Variants in RP1 observed in about 807,000 individuals in gnomAD.
RP1 encodes RP1 axonemal microtubule associated, also known as oxygen-regulated protein 1.
A neutral mutation model predicts 14.8 loss-of-function variants in RP1; 16 were observed. That is an observed-to-expected ratio of 1.08 (90% CI 0.73 to 1.65). RP1 has a LOEUF of 1.65. Among genes scored for constraint, RP1 ranks in the 40% most tolerant of loss-of-function variants. The pLI, the probability that RP1 is intolerant of heterozygous loss-of-function variation, is 0.00. For synonymous variants in RP1, 876 were observed against 883.6 expected (o/e 0.99, Z 0.15); for missense variants, 2,631 against 2,535.0 (o/e 1.04, Z -0.81).
intron 1 of RP1, among the ~76,000 whole-genome samples, chr8:54,609,880 C>G (rs1051795311): frequency 6.6e-6 from 1 of 152,236 alleles, no homozygotes; most frequent in African/African-American, 2.4e-5. Flanking sequence ...TCCAAGAGCT[C>G]CCTGCTCTTA....
intron 1 of RP1, among the ~76,000 whole-genome samples, chr8:54,583,178 A>C (rs1467447347): frequency 6.6e-6 from 1 of 152,210 alleles, no homozygotes; most frequent in Non-Finnish European, 1.5e-5. Flanking sequence ...CGTCCTATCA[A>C]TACCTAATTT....
At position 54,627,854 on chromosome 8, in the gene RP1, G is replaced by A. The variant is rs2129317404; in HGVS notation, c.3972G>A (p.Glu1324=). 2 of 1,614,094 alleles carry A rather than the reference G, an allele frequency of 1.2e-6. No homozygotes were observed. Among genetic ancestry groups the A allele is most frequent in the Non-Finnish European group, 1.7e-6 (2 of 1,179,972 alleles). Residue 1324 remains glutamate (E), a synonymous_variant, in exon 4 of 4, where the codon GAG becomes GAA. Coordinates refer to ENST00000220676, the MANE Select transcript of RP1 (RefSeq NM_006269.2). ...ACAQKENHTY[E]GACPIDETYV... ...CTCAAAAGGAGAACCATACCTATGA[G>A]GGAGCTTGCCCAATTGATGAGACCT...
intron 1 of RP1, among the ~76,000 whole-genome samples, chr8:54,591,593 ACTTG>A (rs1380035131): frequency 1.3e-5 from 2 of 152,056 alleles, no homozygotes; most frequent in African/African-American, 4.8e-5. Context: ...TTATTTATCA[ACTTG>A]CTTGTTTTTG....
At chr8:54,706,193 T>C (rs948909845) in intron 14 of RP1, among the ~76,000 whole-genome samples, 1 of 152,214 alleles carries the variant, frequency 6.6e-6, no homozygotes, top group African/African-American at 2.4e-5. Context: ...GTGTTTTGTA[T>C]CTTTTAAAAA....
chr8:54,663,370 GA>G (rs1050600987), intron 6 of RP1, among the ~76,000 whole-genome samples: 5 of 150,902 alleles, frequency 3.3e-5, no homozygotes, highest in South Asian at 2.1e-4. Flanking sequence ...GATATGGAAA[GA>G]AAAAAAAAGT....
intron 1 of RP1, among the ~76,000 whole-genome samples, chr8:54,580,377 G>A (rs995331081): frequency 2.2e-4 from 32 of 147,284 alleles, no homozygotes; most frequent in African/African-American, 7.8e-4. Flanking sequence ...TGTGATCTCG[G>A]CTCACTGCAA....
intron 24 of RP1, among the ~76,000 whole-genome samples, chr8:54,816,317 G>T (rs147673865): frequency 6.6e-6 from 1 of 152,152 alleles, no homozygotes; most frequent in Non-Finnish European, 1.5e-5. Flanking sequence ...AAGGCTAAAA[G>T]CTCCATACTA....
chr8:54,701,593 T>G, exon 14 of RP1: 2 of 1,535,810 alleles, frequency 1.3e-6, no homozygotes, highest in Non-Finnish European at 1.7e-6. Flanking sequence ...TTGATCGTCA[T>G]GGCAAAATAG....
chr8:54,731,938 G>A (rs555205289), intron 17 of RP1, among the ~76,000 whole-genome samples: 2 of 152,214 alleles, frequency 1.3e-5, no homozygotes, highest in East Asian at 1.9e-4. Context: ...GTTTCAGACC[G>A]ATCTTTCTAA....
chr8:54,821,862 C>T (rs1811263241), intron 24 of RP1, among the ~76,000 whole-genome samples: 1 of 152,056 alleles, frequency 6.6e-6, no homozygotes, highest in Non-Finnish European at 1.5e-5. Flanking sequence ...AAATTGATTC[C>T]AGTGTTCAAG....
intron 24 of RP1, among the ~76,000 whole-genome samples, chr8:54,787,597 T>C (rs1207520335): frequency 1.3e-5 from 2 of 152,196 alleles, no homozygotes; most frequent in African/African-American, 4.8e-5. Context: ...TTTTTGCAAA[T>C]TGAAACGCTA....
chr8:54,871,073 G>C (rs1372219828), exon 29 of RP1: 1 of 152,082 alleles, frequency 6.6e-6, no homozygotes, highest in Non-Finnish European at 1.5e-5. Context: ...GTATATGCTT[G>C]ATATTTTCTT....
chr8:54,839,641 C>T (rs1435345459), intron 25 of RP1, among the ~76,000 whole-genome samples: 1 of 152,122 alleles, frequency 6.6e-6, no homozygotes, highest in African/African-American at 2.4e-5. Flanking sequence ...CTGATTTCCT[C>T]AACAATTACC....
At chr8:54,799,563 T>C (rs1004873916) in intron 24 of RP1, among the ~76,000 whole-genome samples, 1 of 152,054 alleles carries the variant, frequency 6.6e-6, no homozygotes, top group African/African-American at 2.4e-5. Context: ...TTTTCTCCCC[T>C]TTTCCTGCCT....
chr8:54,865,350 C>G (rs992853712), intron 27 of RP1, among the ~76,000 whole-genome samples: 1 of 151,504 alleles, frequency 6.6e-6, no homozygotes, highest in Non-Finnish European at 1.5e-5. Context: ...TCCTCTCCTT[C>G]CTCCCTTCTT....
chr8:54,609,401 C>T (rs563703110), intron 1 of RP1, among the ~76,000 whole-genome samples: 79 of 152,202 alleles, frequency 5.2e-4, no homozygotes, highest in African/African-American at 1.8e-3. Context: ...CTGCAATGAG[C>T]CATGATTGTG....
At chr8:54,776,884 T>C (rs1563373263) in intron 23 of RP1, among the ~76,000 whole-genome samples, 1 of 152,234 alleles carries the variant, frequency 6.6e-6, no homozygotes, top group Non-Finnish European at 1.5e-5. Flanking sequence ...CATGGTAAAC[T>C]GCACTAAAGT....
chr8:54,629,358 G>A lies in RP1; in HGVS notation c.5476G>A (p.Asp1826Asn). 1.9e-6 allele frequency: 3 copies of A among 1,614,080 alleles called. No individual in the cohort carries two copies. The highest frequency in any genetic ancestry group is 2.5e-6 in the Non-Finnish European group (3 of 1,179,966). ...TTACTTTAACATGCCTCATGGTAGT[G>A]ACTCAGAACCTTTTCATGAGGACTT... ...CNYFNMPHGS[D>N]SEPFHEDLLD... Residue 1826 changes from aspartate (D) to asparagine (N), a missense_variant, in exon 4 of 4, where the codon GAC (aspartate) becomes AAC (asparagine). Coordinates refer to ENST00000220676, the MANE Select transcript of RP1 (RefSeq NM_006269.2).
chr8:54,580,905 C>T (rs1302790903), intron 1 of RP1, among the ~76,000 whole-genome samples: 1 of 152,228 alleles, frequency 6.6e-6, no homozygotes, highest in Admixed American at 6.5e-5. Flanking sequence ...GCATGAGCAA[C>T]TGCGCCTGGC....
Sources: gnomAD v4.1 joint callset for allele counts (sites outside exome capture counted in the v4.1 genomes callset) on GRCh38, gnomAD v4.1.1 for gene constraint, MANE v1.5 for transcripts, NCBI Gene and HGNC (gene_info 2026-07-23, HGNC 2026-07-21) for gene names.